ZNF697: variants seen among roughly 807,000 people sequenced by gnomAD.
ZNF697 encodes zinc finger protein 697.
Under a neutral mutation model 32.4 loss-of-function variants are expected in ZNF697, and 23 were observed. The ratio of observed to expected loss-of-function variants is 0.71; its 90% CI spans 0.51 to 1.01. The LOEUF (loss-of-function observed/expected upper bound fraction) is 1.01. Ranked by LOEUF, ZNF697 falls within the 50% of genes least tolerant of loss-of-function variation. ZNF697 has a pLI of 0.00. For missense variants in ZNF697, 930 were observed against 794.0 expected (o/e 1.17, Z -2.06); for synonymous variants, 418 against 337.2 (o/e 1.24, Z -2.62).
rs763582230 is a variant in ZNF697, at chr1:119,622,925, C to T, written c.1418G>A (p.Arg473His). Residue 473 changes from arginine (R) to histidine (H), a missense_variant, in exon 3 of 3, where the codon CGC (arginine) becomes CAC (histidine). By Grantham distance (29) the Arg-to-His change is conservative (BLOSUM62 0). Transcript: ENST00000421812. ...CGTGAGCGTGGAGAAGTCGCTGAAG[C>T]GCTTCTCGCACTGGCCACAGCGGAA... ...KPFRCGQCEK[R>H]FSDFSTLTQH... 1.7e-5 allele frequency: 28 copies of T among 1,607,752 alleles called. No individual in the cohort carries two copies. The South Asian group carries it at 2.8e-4, about 16-fold the overall frequency.
intron 1 of ZNF697, among the ~76,000 whole-genome samples, chr1:119,643,971 T>A (rs375680004): frequency 3.9e-5 from 6 of 152,374 alleles, no homozygotes; most frequent in African/African-American, 1.4e-4. Context: ...GCAAATAATA[T>A]TTCGTGCCTC....
At chr1:119,624,489 C>G (rs778067681) in intron 2 of ZNF697, among the ~76,000 whole-genome samples, 10 of 152,262 alleles carry the variant, frequency 6.6e-5, no homozygotes, top group Non-Finnish European at 1.0e-4. Flanking sequence ...TTACTCACTC[C>G]AAGAGCTACC....
chr1:119,623,554 G>A lies in ZNF697; in HGVS notation c.789C>T (p.Cys263=). ...GGCTGAAGCCCTTGCCGCACTCCCC[G>A]CAGCGGAAGGGCTTTTCGCGCGGGG... ...ARPPREKPFR[C]GECGKGFSRN... Residue 263 remains cysteine, a synonymous_variant, in exon 3 of 3, where the codon TGC becomes TGT. Coordinates refer to ENST00000421812, the MANE Select transcript of ZNF697 (RefSeq NM_001080470.2). 1 of 1,524,468 alleles carries A rather than the reference G, an allele frequency of 6.6e-7. No individual in the cohort carries two copies. The highest frequency in any genetic ancestry group is 8.8e-7 in the Non-Finnish European group (1 of 1,138,410). The allele number at this position is 1,524,468 out of a possible 1,614,324, so 94.4% of individuals were successfully genotyped here. A position where few individuals can be genotyped will look rare whatever the true frequency, so the allele number is the denominator to read the frequency against.
chr1:119,630,536 C>T (rs1365785043), intron 1 of ZNF697, among the ~76,000 whole-genome samples: 1 of 152,214 alleles, frequency 6.6e-6, no homozygotes, highest in Non-Finnish European at 1.5e-5. Context: ...ATCACCCTAT[C>T]ACTGGGAAAA....
chr1:119,633,339 C>T (rs1648831587), intron 1 of ZNF697, among the ~76,000 whole-genome samples: 1 of 150,266 alleles, frequency 6.7e-6, no homozygotes, highest in Non-Finnish European at 1.5e-5. Flanking sequence ...CAGGGTCCTC[C>T]TAAGAGAACC....
chr1:119,641,929 T>C (rs1250464827), intron 1 of ZNF697, among the ~76,000 whole-genome samples: 1 of 152,202 alleles, frequency 6.6e-6, no homozygotes, highest in Non-Finnish European at 1.5e-5. Flanking sequence ...TATTTCTTCA[T>C]AGCAGCATGA....
intron 1 of ZNF697, among the ~76,000 whole-genome samples, chr1:119,629,893 G>A (rs1010450905): frequency 7.9e-5 from 12 of 152,322 alleles, no homozygotes; most frequent in African/African-American, 2.6e-4. Context: ...AAGGGAGCTA[G>A]GTAGAGGGAG....
chr1:119,638,295 G>A (rs1282864361), intron 1 of ZNF697, among the ~76,000 whole-genome samples: 1 of 152,118 alleles, frequency 6.6e-6, no homozygotes, highest in Non-Finnish European at 1.5e-5. Flanking sequence ...CAGTGAACTC[G>A]GGCTTCCAGA....
At position 119,623,320 on chromosome 1, in the gene ZNF697, CGCCGCGTGCGCGCGCCGGTGGCT is replaced by C; in HGVS notation, c.1000_1022del (p.Ser334GlyfsTer93). 3 of 1,299,662 alleles carry C rather than the reference CGCCGCGTGCGCGCGCCGGTGGCT, an allele frequency of 2.3e-6. No individual in the cohort carries two copies. Among genetic ancestry groups the C allele is most frequent in the Non-Finnish European group, 2.9e-6 (3 of 1,026,128 alleles). The allele number at this position is 1,299,662 out of a possible 1,614,324, so 80.5% of individuals were successfully genotyped here. ...GCGCCGCCGCCCCCGCGCCGCTGGC[CGCCGCGTGCGCGCGCCGGTGGCT>C]CAACAGATGCGAGCTGAGGCTGAAG... On this transcript the variant is annotated frameshift_variant, in exon 3 of 3. Coordinates refer to ENST00000421812, the MANE Select transcript of ZNF697 (RefSeq NM_001080470.2). LOFTEE classifies it high-confidence loss of function.
intron 1 of ZNF697, among the ~76,000 whole-genome samples, chr1:119,642,230 T>C (rs192187274): frequency 1.2e-3 from 188 of 152,270 alleles, no homozygotes; most frequent in African/African-American, 4.4e-3. Context: ...GAAGGATAAA[T>C]AAGTGCAGCA....
At position 119,619,536 on chromosome 1, in the gene ZNF697, G is replaced by A. The variant is rs915714822; in HGVS notation, c.*3169C>T. On this transcript the variant is annotated 3_prime_UTR_variant, in exon 3 of 3. Transcript: ENST00000421812. ...AACCTGAAAATAAGGCAAATCTCAC[G>A]TATACAAGCACACTCACACGAAACC... The A allele has an allele frequency of 2.6e-5, 4 of 152,540 alleles. No individual in the cohort carries two copies. Among genetic ancestry groups the A allele is most frequent in the Non-Finnish European group, 5.9e-5 (4 of 68,040 alleles). 9.4% of individuals were successfully genotyped at this position (152,540 alleles called of 1,614,324 possible).
chr1:119,629,623 C>CA (rs1452035822), intron 1 of ZNF697, among the ~76,000 whole-genome samples: 1 of 152,174 alleles, frequency 6.6e-6, no homozygotes, highest in Non-Finnish European at 1.5e-5. Flanking sequence ...TCTCGAGCCA[C>CA]AAAAATTAAT....
rs1164949684 is a variant in ZNF697 at position 119,623,687 on chromosome 1, G to C, written c.656C>G (p.Ala219Gly). The change falls in exon 3 of 3, where the codon GCC (alanine) becomes GGC (glycine). Residue 219 changes from alanine to glycine, a missense_variant. By Grantham distance (60) the Ala-to-Gly change is moderately conservative (BLOSUM62 0). Coordinates refer to ENST00000421812, the MANE Select transcript of ZNF697 (RefSeq NM_001080470.2). ...CAGGCCGAAGGGCTCCAGGCTGGCG[G>C]CGGCAGCGGCCTCAGCCAGGCGGTG... ...RIHRLAEAAA[A>G]ASLEPFGLAG... 5 of 1,530,634 alleles carry C rather than the reference G, an allele frequency of 3.3e-6. No homozygotes were observed. The highest frequency in any genetic ancestry group is 4.4e-6 in the Non-Finnish European group (5 of 1,144,420). The allele number at this position is 1,530,634 out of a possible 1,614,324, so 94.8% of individuals were successfully genotyped here.
Position 119,623,856 on chromosome 1 carries a change from A to T in ZNF697, c.487T>A (p.Phe163Ile). ...GCCATGGGGTGGTGGAGCCGGTGGA[A>T]GCGGCGGTGGGCGGGCTTGTCACCT... is the stretch of plus-strand genomic sequence containing the variant. Reference protein sequence around the residue: ...HRGDKPAHRRFHRLHHPMAVD... With the variant: ...HRGDKPAHRRIHRLHHPMAVD... Residue 163 changes from phenylalanine to isoleucine, a missense_variant, in exon 3 of 3, where the codon TTC becomes ATC. Coordinates refer to ENST00000421812, the MANE Select transcript of ZNF697 (RefSeq NM_001080470.2). 1 of 1,543,182 alleles carries T rather than the reference A, an allele frequency of 6.5e-7. No homozygotes were observed. Among genetic ancestry groups the T allele is most frequent in the Non-Finnish European group, 8.8e-7 (1 of 1,141,824 alleles).
Position 119,622,414 on chromosome 1 carries a change from AAGTGCCT to A in ZNF697, c.*284_*290del, listed in dbSNP as rs200893784. ...CCAGCCCACGAACTGCCCTTCCTCA[AAGTGCCT>A]GGTCCTCCAAGCTCTTCACCCCCTA... On this transcript the variant is annotated 3_prime_UTR_variant, in exon 3 of 3. Coordinates refer to ENST00000421812, the MANE Select transcript of ZNF697 (RefSeq NM_001080470.2). 21 of 399,806 alleles carry A rather than the reference AAGTGCCT, an allele frequency of 5.3e-5. No homozygotes were observed. The highest frequency in any genetic ancestry group is 8.8e-5 in the Admixed American group (2 of 22,850). The allele number at this position is 399,806 out of a possible 1,614,324, so 24.8% of individuals were successfully genotyped here. A position where few individuals can be genotyped will look rare whatever the true frequency, so the allele number is the denominator to read the frequency against.
At chr1:119,628,057 TTGGCG>T (rs1337052179) in intron 1 of ZNF697, among the ~76,000 whole-genome samples, 1 of 115,838 alleles carries the variant, frequency 8.6e-6, no homozygotes, top group Non-Finnish European at 1.7e-5. Context: ...AGTGCAGGCG[TTGGCG>T]GGGCGGGGGG....
chr1:119,621,577 A>G lies in ZNF697; in HGVS notation c.*1128T>C, dbSNP rs1401750294. On this transcript the variant is annotated 3_prime_UTR_variant, in exon 3 of 3. Coordinates refer to ENST00000421812, the MANE Select transcript of ZNF697 (RefSeq NM_001080470.2). The stretch of plus-strand genomic sequence containing the variant: ...CTGTGCCTCCACGCGCAGGCAAAAG[A>G]CATTCTTACTTAGACTAGATCCCTC... The G allele has an allele frequency of 6.6e-6, 1 of 152,658 alleles. No individual in the cohort carries two copies. The highest frequency in any genetic ancestry group is 1.5e-5 in the Non-Finnish European group (1 of 68,052). The allele number at this position is 152,658 out of a possible 1,614,324, so 9.5% of individuals were successfully genotyped here. A position where few individuals can be genotyped will look rare whatever the true frequency, so the allele number is the denominator to read the frequency against.
At chr1:119,640,065 T>C (rs1006867138) in intron 1 of ZNF697, among the ~76,000 whole-genome samples, 11 of 152,234 alleles carry the variant, frequency 7.2e-5, no homozygotes, top group Non-Finnish European at 1.5e-4. Flanking sequence ...TGACTTAAGA[T>C]ACTTTTTCTT....
At chr1:119,626,250 G>T in intron 1 of ZNF697, 113 bp from the exon 2 acceptor site, 2 of 1,354,236 alleles carry the variant, frequency 1.5e-6, no homozygotes, top group Non-Finnish European at 2.0e-6. Flanking sequence ...GCCCCAGATG[G>T]CAAACCTCCA....
Sources: allele counts gnomAD v4.1 joint callset (sites outside exome capture counted in the v4.1 genomes callset), GRCh38; gene constraint gnomAD v4.1.1; transcripts MANE v1.5; gene names NCBI Gene and HGNC (gene_info 2026-07-23, HGNC 2026-07-21).